The following FSTL5 variants were observed in gnomAD, a reference collection of about 807,000 sequenced individuals.
FSTL5 encodes the protein follistatin like 5.
Under a neutral mutation model 89.1 loss-of-function variants are expected in FSTL5, and 62 were observed. The ratio of observed to expected loss-of-function variants is 0.70; its 90% CI spans 0.57 to 0.86. The LOEUF (loss-of-function observed/expected upper bound fraction) is 0.86, where lower values mean the gene tolerates loss of function less well. FSTL5 is among the 40% of genes least tolerant of loss of function. The pLI is 0.00. For missense variants in FSTL5, 1,057 were observed against 1,001.6 expected, an observed-to-expected ratio of 1.06 and a Z score of -0.75; for synonymous variants, 383 against 346.2, an observed-to-expected ratio of 1.11 and a Z score of -1.18.
chr4:161,397,794 C>T (rs1034047205), intron 15 of FSTL5, among the ~76,000 whole-genome samples: 26 of 151,486 alleles, frequency 1.7e-4, no homozygotes, highest in Admixed American at 9.2e-4. Context: ...AATATTCTGA[C>T]TATAAAATGA....
chr4:161,891,318 C>T (rs1732981501), intron 4 of FSTL5, among the ~76,000 whole-genome samples: 2 of 151,952 alleles, frequency 1.3e-5, no homozygotes, highest in South Asian at 2.1e-4. Context: ...TTTTCATACC[C>T]ACAATAGGAT....
At chr4:161,449,831 T>C (rs1330732169) in intron 15 of FSTL5, among the ~76,000 whole-genome samples, 1 of 152,160 alleles carries the variant, frequency 6.6e-6, no homozygotes, top group Non-Finnish European at 1.5e-5. Context: ...TAACACCAAA[T>C]AACCCAAATG....
intron 6 of FSTL5, among the ~76,000 whole-genome samples, chr4:161,698,447 C>T (rs1346669522): frequency 6.6e-6 from 1 of 152,128 alleles, no homozygotes; most frequent in Admixed American, 6.6e-5. Context: ...AGAGCTACTA[C>T]ATAGACTTGT....
chr4:161,740,113 G>A lies in FSTL5; in HGVS notation c.727+19298C>T, dbSNP rs192993436. ...CAGCTCACTGCAACCTCCGCCTCCC[G>A]GGTTCAAGCGATTTTCCTGCCTCAG... On this transcript the variant is annotated intron_variant, in intron 6 of 15. Transcript: ENST00000306100. 3.3e-3 allele frequency among the ~76,000 whole-genome samples: 500 copies of A among 151,872 alleles called. 2 individuals carry two copies. Among genetic ancestry groups the A allele is most frequent in the Admixed American group, 5.9e-3 (90 of 15,228 alleles).
At chr4:161,715,049 T>G (rs1738928983) in intron 6 of FSTL5, among the ~76,000 whole-genome samples, 1 of 152,128 alleles carries the variant, frequency 6.6e-6, no homozygotes, top group Non-Finnish European at 1.5e-5. Context: ...TTTTTGATTA[T>G]TTAAAATAAT....
intron 13 of FSTL5, among the ~76,000 whole-genome samples, chr4:161,465,475 G>T (rs763175153): frequency 2.6e-5 from 4 of 151,796 alleles, no homozygotes; most frequent in Non-Finnish European, 5.9e-5. Flanking sequence ...AAAAAATAAA[G>T]ATGGGATCTT....
intron 8 of FSTL5, among the ~76,000 whole-genome samples, chr4:161,543,382 C>T (rs540190441): frequency 3.3e-5 from 5 of 151,822 alleles, no homozygotes; most frequent in African/African-American, 1.2e-4. Flanking sequence ...ATCATACTCC[C>T]AAGTTGACAA....
intron 6 of FSTL5, among the ~76,000 whole-genome samples, chr4:161,673,144 T>C (rs1737179695): frequency 6.6e-6 from 1 of 152,114 alleles, no homozygotes; most frequent in South Asian, 2.1e-4. Context: ...CTAAAAATAA[T>C]GTACTGGATT....
chr4:161,941,679 T>C (rs903922332), intron 3 of FSTL5, among the ~76,000 whole-genome samples: 2 of 151,902 alleles, frequency 1.3e-5, no homozygotes, highest in African/African-American at 4.8e-5. Flanking sequence ...AGACAGAAAT[T>C]TGCAGTTCTA....
intron 5 of FSTL5, among the ~76,000 whole-genome samples, chr4:161,767,186 CA>C (rs1741044701): frequency 6.6e-6 from 1 of 152,062 alleles, no homozygotes; most frequent in Non-Finnish European, 1.5e-5. Flanking sequence ...GTTGGCCTGT[CA>C]AAAAGAATAT....
chr4:161,600,878 A>G (rs921466956), intron 7 of FSTL5, among the ~76,000 whole-genome samples: 12 of 152,104 alleles, frequency 7.9e-5, no homozygotes, highest in Admixed American at 3.3e-4. Flanking sequence ...CTACACAATA[A>G]TTTCTTTCTG....
intron 7 of FSTL5, among the ~76,000 whole-genome samples, 190 bp from the exon 8 acceptor site, chr4:161,587,765 T>C (rs1335707937): frequency 6.6e-6 from 1 of 152,228 alleles, no homozygotes; most frequent in East Asian, 1.9e-4. Context: ...ATGTTTTGTT[T>C]AAAAAGCATC....
chr4:162,008,219 A>G (rs1209588406), intron 3 of FSTL5, among the ~76,000 whole-genome samples: 1 of 151,810 alleles, frequency 6.6e-6, no homozygotes, highest in East Asian at 1.9e-4. Context: ...TTGCCAACAA[A>G]TCTTCATCTT....
At chr4:161,966,972 G>T (rs1274152336) in intron 3 of FSTL5, among the ~76,000 whole-genome samples, 1 of 151,232 alleles carries the variant, frequency 6.6e-6, no homozygotes, top group East Asian at 1.9e-4. Flanking sequence ...CTTTTACAGT[G>T]AACATATTTT....
intron 7 of FSTL5, among the ~76,000 whole-genome samples, chr4:161,596,443 A>G (rs2126617846): frequency 6.6e-6 from 1 of 152,038 alleles, no homozygotes; most frequent in Non-Finnish European, 1.5e-5. Flanking sequence ...AATGATGAGA[A>G]CTTTGTGAAC....
At chr4:161,982,854 A>G (rs1218971093) in intron 3 of FSTL5, among the ~76,000 whole-genome samples, 1 of 152,182 alleles carries the variant, frequency 6.6e-6, no homozygotes. Flanking sequence ...TAAGATTTTG[A>G]TAATGCCTAC....
At chr4:162,012,602 A>G (rs1736800239) in intron 3 of FSTL5, among the ~76,000 whole-genome samples, 1 of 152,150 alleles carries the variant, frequency 6.6e-6, no homozygotes, top group South Asian at 2.1e-4. Context: ...TTTTAATTCT[A>G]CCCTGCCAAA....
chr4:161,448,978 A>C (rs1733056712), intron 15 of FSTL5, among the ~76,000 whole-genome samples: 1 of 152,148 alleles, frequency 6.6e-6, no homozygotes, highest in Admixed American at 6.6e-5. Context: ...GCATGTTATA[A>C]CAAAACCTTT....
intron 10 of FSTL5, among the ~76,000 whole-genome samples, chr4:161,526,798 T>G (rs1731235493): frequency 1.3e-5 from 2 of 152,320 alleles, no homozygotes; most frequent in East Asian, 1.9e-4. Context: ...TCTGTTCCAT[T>G]GATCTATATC....
Sources: allele counts gnomAD v4.1 joint callset (sites outside exome capture counted in the v4.1 genomes callset), GRCh38; gene constraint gnomAD v4.1.1; transcripts MANE v1.5; gene names NCBI Gene and HGNC (gene_info 2026-07-23, HGNC 2026-07-21).